The following WDFY3 variants were observed in gnomAD, a reference collection of about 807,000 sequenced individuals.
WDFY3 encodes WD repeat and FYVE domain containing 3, also known as WD repeat and FYVE domain-containing protein 3.
A neutral mutation model predicts 409.6 loss-of-function variants in WDFY3; 66 were observed. That is an observed-to-expected ratio of 0.16 (90% CI 0.13 to 0.20). The LOEUF (loss-of-function observed/expected upper bound fraction) is 0.20, where lower values mean the gene tolerates loss of function less well. Among genes scored for constraint, WDFY3 ranks in the 10% least tolerant of loss-of-function variants. The pLI is 1.00. For missense variants in WDFY3, 3,031 were observed against 4,298.1 expected, an observed-to-expected ratio of 0.71 and a Z score of 8.24; for synonymous variants, 1,521 against 1,537.1, an observed-to-expected ratio of 0.99 and a Z score of 0.25.
chr4:84,819,142 C>T (rs937618521), intron 12 of WDFY3, among the ~76,000 whole-genome samples: 2 of 152,050 alleles, frequency 1.3e-5, no homozygotes, highest in Non-Finnish European at 2.9e-5. Flanking sequence ...TTGTATCAGA[C>T]TAATTACTTC....
chr4:84,690,289 G>C (rs889898948), intron 61 of WDFY3, among the ~76,000 whole-genome samples: 1 of 152,058 alleles, frequency 6.6e-6, no homozygotes, highest in African/African-American at 2.4e-5. Context: ...ACTTTCTTCA[G>C]ATTTTAACAA....
chr4:84,839,425 A>G (rs1166292073), intron 6 of WDFY3, among the ~76,000 whole-genome samples: 10 of 152,134 alleles, frequency 6.6e-5, no homozygotes, highest in Admixed American at 6.5e-4. Flanking sequence ...GGACCATTTG[A>G]AGATTACTTA....
chr4:84,823,836 G>C (rs1754444161), intron 10 of WDFY3, among the ~76,000 whole-genome samples: 2 of 152,094 alleles, frequency 1.3e-5, no homozygotes, highest in African/African-American at 4.8e-5. Flanking sequence ...GCAAAAATTG[G>C]ACAGCCACTT....
At chr4:84,701,558 TC>T (rs1323326704) in intron 56 of WDFY3, among the ~76,000 whole-genome samples, 1 of 152,104 alleles carries the variant, frequency 6.6e-6, no homozygotes, top group East Asian at 1.9e-4. Context: ...ACAACAAATA[TC>T]TGGCAGGAAT....
intron 11 of WDFY3, among the ~76,000 whole-genome samples, chr4:84,820,820 G>A (rs1296024611): frequency 6.6e-6 from 1 of 151,996 alleles, no homozygotes; most frequent in Non-Finnish European, 1.5e-5. Flanking sequence ...CTAGTCATGT[G>A]GATCATACAT....
At chr4:84,720,936 G>T (rs1393069008) in intron 47 of WDFY3, among the ~76,000 whole-genome samples, 1 of 152,216 alleles carries the variant, frequency 6.6e-6, no homozygotes, top group Non-Finnish European at 1.5e-5. Flanking sequence ...GGTCAGCAGG[G>T]TATTGGAGGT....
At chr4:84,957,495 T>G (rs1190024007) in intron 1 of WDFY3, among the ~76,000 whole-genome samples, 1 of 152,188 alleles carries the variant, frequency 6.6e-6, no homozygotes, top group Non-Finnish European at 1.5e-5. Context: ...GTACTTAATA[T>G]ATCTCAATGT....
intron 2 of WDFY3, among the ~76,000 whole-genome samples, chr4:84,931,281 A>G (rs1488184809): frequency 1.3e-5 from 2 of 152,224 alleles, no homozygotes. Context: ...AAACAAAGAA[A>G]GCCAATGCAA....
intron 41 of WDFY3, among the ~76,000 whole-genome samples, chr4:84,736,665 G>A (rs2149196073): frequency 6.6e-6 from 1 of 152,030 alleles, no homozygotes; most frequent in East Asian, 1.9e-4. Context: ...GAAACTATTT[G>A]GATTTTTAAA....
intron 1 of WDFY3, among the ~76,000 whole-genome samples, chr4:84,955,964 TAAAC>T (rs571566241): frequency 0.017 from 2,662 of 152,262 alleles, 37 homozygotes; most frequent in Non-Finnish European, 0.024. Flanking sequence ...AATGTGCAGA[TAAAC>T]AAATCAGTTG....
intron 3 of WDFY3, among the ~76,000 whole-genome samples, chr4:84,893,917 A>C (rs1475843013): frequency 6.6e-6 from 1 of 152,076 alleles, no homozygotes; most frequent in Non-Finnish European, 1.5e-5. Context: ...TGAACCCAGG[A>C]GGCAGAGGTT....
chr4:84,810,320 T>C lies in WDFY3; in HGVS notation c.1912A>G (p.Ser638Gly), dbSNP rs1423372504. ...LRALLSVLRE[S>G]HRSRTVFRKV... ...CTAAAAACTGTTCTTGAACGATGGCTTTCTCGAAGGACCGACAGGAGGGCC... is the reference window on the plus strand; with the variant it reads ...CTAAAAACTGTTCTTGAACGATGGCCTTCTCGAAGGACCGACAGGAGGGCC... The change falls in exon 14 of 68, where the codon AGC (serine) becomes GGC (glycine). Residue 638 changes from serine to glycine, a missense_variant. Transcript: ENST00000295888. 9.3e-6 allele frequency: 15 copies of C among 1,609,808 alleles called. No individual in the cohort carries two copies. Among genetic ancestry groups the C allele is most frequent in the East Asian group, 2.2e-5 (1 of 44,820 alleles).
At chr4:84,884,960 G>A (rs1029518062) in intron 3 of WDFY3, among the ~76,000 whole-genome samples, 12 of 152,120 alleles carry the variant, frequency 7.9e-5, no homozygotes, top group African/African-American at 2.9e-4. Context: ...AAGTATGAAA[G>A]GTAAACTATA....
chr4:84,735,646 T>C (rs554215057), intron 42 of WDFY3, among the ~76,000 whole-genome samples: 4 of 152,270 alleles, frequency 2.6e-5, no homozygotes, highest in Middle Eastern at 3.4e-3. Flanking sequence ...ATCTCAGAGT[T>C]TGCTTCCTAG....
intron 51 of WDFY3, among the ~76,000 whole-genome samples, chr4:84,711,755 G>A (rs188642055): frequency 1.3e-5 from 2 of 151,962 alleles, no homozygotes; most frequent in Admixed American, 6.6e-5. Context: ...GGAGGCTGAG[G>A]CAGAAGAATC....
At chr4:84,739,718 G>C (rs763433502) in intron 39 of WDFY3, among the ~76,000 whole-genome samples, 27 of 152,274 alleles carry the variant, frequency 1.8e-4, no homozygotes, top group Admixed American at 9.2e-4. Context: ...TTGCTTAGCT[G>C]TTTCCCCTCA....
At chr4:84,855,142 T>A (rs1034685761) in intron 4 of WDFY3, among the ~76,000 whole-genome samples, 5 of 152,230 alleles carry the variant, frequency 3.3e-5, no homozygotes, top group Admixed American at 3.3e-4. Flanking sequence ...AAGAACTTGG[T>A]GTCATTTAAG....
At position 84,749,845 on chromosome 4, in the gene WDFY3, G is replaced by A. The variant is rs1007375923; in HGVS notation, c.5973+1638C>T. ...TAGTATATTGAAGCACTATTCTACC[G>A]TAGGGCAAATTCATGCCCACAACAA... On this transcript the variant is annotated intron_variant, in intron 36 of 67. Transcript: ENST00000295888. Among the ~76,000 whole-genome samples, 14 of 152,190 alleles carry A rather than the reference G, an allele frequency of 9.2e-5. No individual in the cohort carries two copies. The South Asian group carries it at 1.5e-3, about 16-fold the overall frequency.
chr4:84,921,282 GA>G (rs1477363299), intron 2 of WDFY3, among the ~76,000 whole-genome samples: 1 of 151,884 alleles, frequency 6.6e-6, no homozygotes, highest in Non-Finnish European at 1.5e-5. Context: ...CTGGAAGAAG[GA>G]AAGGTAATTA....
Sources: allele counts gnomAD v4.1 joint callset (sites outside exome capture counted in the v4.1 genomes callset), GRCh38; gene constraint gnomAD v4.1.1; transcripts MANE v1.5; gene names NCBI Gene and HGNC (gene_info 2026-07-23, HGNC 2026-07-21).